RAB9B: variants seen among roughly 807,000 people sequenced by gnomAD.
RAB9B encodes the protein ras-related protein Rab-9B.
RAB9B carries 1 observed loss-of-function variant against 8.9 expected under a neutral mutation model. The observed-to-expected ratio is 0.11, with a 90% CI of 0.04 to 0.53. RAB9B has a LOEUF of 0.53. RAB9B is among the 20% of genes least tolerant of loss of function. The probability of loss-of-function intolerance (pLI) is 0.93; values close to 1 mark genes in which losing one functional copy is unlikely to be tolerated. For missense variants in RAB9B, 82 were observed against 152.9 expected, an observed-to-expected ratio of 0.54 and a Z score of 2.45; for synonymous variants, 63 against 57.0, an observed-to-expected ratio of 1.10 and a Z score of -0.47.
chrX:103,820,951 A>AACACACAC (rs777837640), downstream of RAB9B, among the ~76,000 whole-genome samples: 7 of 53,316 alleles, frequency 1.3e-4, no homozygotes, highest in Non-Finnish European at 2.0e-4. Flanking sequence ...CCCTGTCTCA[A>AACACACAC]ACACACACAC....
the RAB9B span, among the ~76,000 whole-genome samples, chrX:103,783,235 C>T: frequency 4.1e-4 from 46 of 111,889 alleles, no homozygotes; most frequent in Admixed American, 6.6e-4. Context: ...CATGCATGTG[C>T]GTGTGCACAC....
chrX:103,819,589 C>G (rs949765440), downstream of RAB9B, among the ~76,000 whole-genome samples: 8 of 111,286 alleles, frequency 7.2e-5, no homozygotes, highest in Admixed American at 7.6e-4. Flanking sequence ...AAAAAAAAAC[C>G]CTTTCACACA....
chrX:103,804,155 T>G, the RAB9B span, among the ~76,000 whole-genome samples: 7 of 112,299 alleles, frequency 6.2e-5, no homozygotes, highest in African/African-American at 1.9e-4. Context: ...CTATAATTCA[T>G]TTTGAGTTAA....
the RAB9B span, chrX:103,785,989 C>A: frequency 4.7e-6 from 3 of 640,491 alleles, no homozygotes; most frequent in East Asian, 3.7e-5. Flanking sequence ...CCACCCCCGC[C>A]CCCTTGTTTT....
At chrX:103,777,626 C>A in the RAB9B span, among the ~76,000 whole-genome samples, 1 of 111,958 alleles carries the variant, frequency 8.9e-6, no homozygotes, top group East Asian at 2.8e-4. Context: ...TTGATCATTT[C>A]TAGCAAATAT....
chrX:103,780,368 C>T, the RAB9B span: 1 of 111,500 alleles, frequency 9.0e-6, no homozygotes, highest in East Asian at 2.8e-4. Flanking sequence ...TTTTAACAAT[C>T]AAAGTCCTAC....
Position 103,826,592 on chromosome X carries a change from AT to A in RAB9B, c.-43+412del, listed in dbSNP as rs777094154. 5.3e-5 allele frequency among the ~76,000 whole-genome samples: 6 copies of A among 112,369 alleles called. 1 individual carries two copies. The highest frequency in any genetic ancestry group is 1.1e-4 in the Non-Finnish European group (6 of 53,301). On this transcript the variant is annotated intron_variant, in intron 2 of 2. Coordinates refer to ENST00000243298, the MANE Select transcript of RAB9B (RefSeq NM_016370.4). Reference sequence around the variant, plus strand: ...ATACTGCAAAATTTAAAGTGCTAATATTTATACAGTACCCTACTTGTTACCT... The same window carrying A: ...ATACTGCAAAATTTAAAGTGCTAATATTATACAGTACCCTACTTGTTACCT...
At chrX:103,815,968 A>C in the RAB9B span, among the ~76,000 whole-genome samples, 1 of 112,114 alleles carries the variant, frequency 8.9e-6, no homozygotes, top group East Asian at 2.8e-4. Context: ...ACGCACATGG[A>C]TATGAAGAAT....
chrX:103,829,590 C>G (rs1408342252), intron 1 of RAB9B, among the ~76,000 whole-genome samples: 4 of 112,007 alleles, frequency 3.6e-5, no homozygotes, highest in African/African-American at 1.3e-4. Flanking sequence ...TGTCTCCCCA[C>G]TCAATCTACT....
At chrX:103,793,506 C>T in the RAB9B span, among the ~76,000 whole-genome samples, 1 of 112,102 alleles carries the variant, frequency 8.9e-6, no homozygotes, top group Admixed American at 9.5e-5. Context: ...GGTTGAACGA[C>T]TTTAAGACAT....
chrX:103,805,467 T>C, the RAB9B span, among the ~76,000 whole-genome samples: 1 of 111,469 alleles, frequency 9.0e-6, no homozygotes, highest in Non-Finnish European at 1.9e-5. Context: ...CGTTTTCTCT[T>C]TTACCTGGCT....
the RAB9B span, chrX:103,776,362 A>G: frequency 1.8e-5 from 2 of 109,835 alleles, no homozygotes; most frequent in Non-Finnish European, 3.8e-5. Flanking sequence ...TGGGGGAGGA[A>G]CGCTTATTTT....
At chrX:103,794,814 G>A in the RAB9B span, among the ~76,000 whole-genome samples, 6 of 111,933 alleles carry the variant, frequency 5.4e-5, no homozygotes, top group Admixed American at 9.5e-5. Context: ...GATTTTCCTC[G>A]TTCACTCACT....
chrX:103,801,558 G>T, the RAB9B span, among the ~76,000 whole-genome samples: 1 of 111,881 alleles, frequency 8.9e-6, no homozygotes, highest in African/African-American at 3.3e-5. Context: ...CTTTGATTAT[G>T]TACCAGCATT....
At chrX:103,786,779 C>T in the RAB9B span, 7 of 1,167,820 alleles carry the variant, frequency 6.0e-6, no homozygotes, top group African/African-American at 3.6e-5. Context: ...GAAAATTGGG[C>T]GCGAGTCTGT....
At chrX:103,778,027 G>A in the RAB9B span, among the ~76,000 whole-genome samples, 3 of 112,112 alleles carry the variant, frequency 2.7e-5, no homozygotes, top group Non-Finnish European at 5.6e-5. Flanking sequence ...ATGAAACACA[G>A]AGAGAACACT....
At chrX:103,810,867 C>T in the RAB9B span, among the ~76,000 whole-genome samples, 1 of 112,156 alleles carries the variant, frequency 8.9e-6, no homozygotes, top group Non-Finnish European at 1.9e-5. Flanking sequence ...GCTGGGAAGA[C>T]ATTGAACAGA....
chrX:103,808,219 T>C, the RAB9B span, among the ~76,000 whole-genome samples: 1 of 111,948 alleles, frequency 8.9e-6, no homozygotes, highest in East Asian at 2.8e-4. Flanking sequence ...TTCCAAGATA[T>C]GTAACCTTGA....
At chrX:103,784,424 A>G in the RAB9B span, among the ~76,000 whole-genome samples, 4,274 of 111,622 alleles carry the variant, frequency 0.038, 178 homozygotes, top group African/African-American at 0.13. Context: ...AAACTGCCAT[A>G]CAAAGTGTCC....
Sources: allele counts gnomAD v4.1 joint callset (sites outside exome capture counted in the v4.1 genomes callset), GRCh38; gene constraint gnomAD v4.1.1; transcripts MANE v1.5; gene names NCBI Gene and HGNC (gene_info 2026-07-23, HGNC 2026-07-21).